The following SEPTIN8 variants were observed in gnomAD, a reference collection of about 807,000 sequenced individuals.
SEPTIN8 encodes the protein septin-8.
Under a neutral mutation model 53.1 loss-of-function variants are expected in SEPTIN8, and 22 were observed. That is an observed-to-expected ratio of 0.41 (90% CI 0.30 to 0.59). SEPTIN8 has a LOEUF of 0.59. SEPTIN8 is among the 20% of genes least tolerant of loss of function. The probability of loss-of-function intolerance (pLI) is 0.24; values close to 1 mark genes in which losing one functional copy is unlikely to be tolerated. For missense variants in SEPTIN8, 536 were observed against 638.7 expected, an observed-to-expected ratio of 0.84 and a Z score of 1.73; for synonymous variants, 228 against 248.4, an observed-to-expected ratio of 0.92 and a Z score of 0.77.
At chr5:132,764,074 T>G (rs563263550) in intron 3 of SEPTIN8, 150 bp downstream of exon 3, 1 of 946,852 alleles carries the variant, frequency 1.1e-6, no homozygotes, top group African/African-American at 1.7e-5. Context: ...CCTAAAGGAG[T>G]AACTGGTCTG....
At chr5:132,754,559 CTG>C (rs1755163416) in intron 9 of SEPTIN8, 3 of 717,108 alleles carry the variant, frequency 4.2e-6, no homozygotes, top group Admixed American at 2.0e-5. Flanking sequence ...AGTCCTAGGA[CTG>C]GGGTAAGAGA....
At chr5:132,777,990 T>C (rs1757941659), upstream of SEPTIN8, 2 of 985,306 alleles carry the variant, frequency 2.0e-6, no homozygotes, top group Non-Finnish European at 2.4e-6. The surrounding 1 kb of genome is among the most constrained non-coding windows in gnomAD (Gnocchi z 4.1). Context: ...GTCTTAATGG[T>C]TCCACCATTG....
Position 132,764,383 on chromosome 5 carries a change from G to A in SEPTIN8, c.188C>T (p.Thr63Ile), listed in dbSNP as rs755977070. 5 of 1,613,928 alleles carry A rather than the reference G, an allele frequency of 3.1e-6. No individual in the cohort carries two copies. The highest frequency in any genetic ancestry group is 4.2e-6 in the Non-Finnish European group (5 of 1,179,944). Residue 63 changes from threonine (T) to isoleucine (I), a missense_variant, in exon 3 of 10, where the codon ACA (threonine) becomes ATA (isoleucine). Around this residue, in one of 3 missense-constraint regions of SEPTIN8, gnomAD observed 395 missense variants for 451.8 expected, o/e 0.87. Coordinates refer to ENST00000378719, the MANE Select transcript of SEPTIN8 (RefSeq NM_001098811.2). ...TGIGKSTLMN[T>I]LFNTTFETEE... is the part of the protein sequence containing the mutation. ...AGTCTCGAAGGTCGTGTTGAAGAGT[G>A]TGTTCATCAGTGTGGATTTGCCAAT...
Position 132,761,245 on chromosome 5 carries a change from G to A in SEPTIN8, c.983C>T (p.Ala328Val), listed in dbSNP as rs1561748192. 1 of 1,613,926 alleles carries A rather than the reference G, an allele frequency of 6.2e-7. No individual in the cohort carries two copies. The highest frequency in any genetic ancestry group is 1.7e-5 in the Admixed American group (1 of 60,018). Residue 328 changes from alanine to valine, a missense_variant, in exon 8 of 10, where the codon GCC becomes GTC. By Grantham distance (64) the Ala-to-Val change is moderately conservative. Transcript: ENST00000378719. The surrounding 1 kb of genome is among the most constrained non-coding windows in gnomAD (Gnocchi z 5.8). ...QPFSLQETYEAKRKEFLSELQ... is the reference protein window; with the variant it reads ...QPFSLQETYEVKRKEFLSELQ... ...CTCACTTAGGAACTCCTTCCTCTTG[G>A]CCTCGTATGTCTCTTGTAGGCTGTG...
chr5:132,777,037 C>T lies in SEPTIN8; in HGVS notation c.30+71G>A, dbSNP rs563051492. 6.0e-6 allele frequency: 6 copies of T among 996,434 alleles called. No individual in the cohort carries two copies. The South Asian group carries it at 2.4e-4, about 40-fold the overall frequency. 61.7% of individuals were successfully genotyped at this position (996,434 alleles called of 1,614,324 possible). A position where few individuals can be genotyped will look rare whatever the true frequency, so the allele number is the denominator to read the frequency against. On this transcript the variant is annotated intron_variant, in intron 1 of 9. Coordinates refer to ENST00000378719, the MANE Select transcript of SEPTIN8 (RefSeq NM_001098811.2). The surrounding 1 kb of genome is among the most constrained non-coding windows in gnomAD (Gnocchi z 4.1). ...CGCTGACAGCCCGCTTCGCGCCCCC[C>T]GCCAGCTGCAGGGCGGCCCCTCCTG...
upstream of SEPTIN8, chr5:132,778,018 C>T: frequency 3.0e-6 from 3 of 985,522 alleles, no homozygotes; most frequent in Non-Finnish European, 1.2e-6. Flanking sequence ...AGGATGACCA[C>T]TCCCAGTGCG....
At chr5:132,755,569 G>C (rs1433616580) in intron 9 of SEPTIN8, among the ~76,000 whole-genome samples, 1 of 152,178 alleles carries the variant, frequency 6.6e-6, no homozygotes, top group Non-Finnish European at 1.5e-5. Flanking sequence ...GGGGATGAAT[G>C]GTCCCTAATC....
chr5:132,772,502 T>C (rs1291251029), intron 1 of SEPTIN8, among the ~76,000 whole-genome samples: 3 of 152,192 alleles, frequency 2.0e-5, no homozygotes, highest in Non-Finnish European at 4.4e-5. Flanking sequence ...GGGACTCCAG[T>C]GGCAGCCACC....
chr5:132,769,862 C>G (rs1430613168), intron 1 of SEPTIN8, among the ~76,000 whole-genome samples: 1 of 150,522 alleles, frequency 6.6e-6, no homozygotes, highest in East Asian at 1.9e-4. Flanking sequence ...AGAGCCTGTG[C>G]TTATGCTCAA....
At position 132,770,277 on chromosome 5, in the gene SEPTIN8, C is replaced by T. The variant is rs1479894096; in HGVS notation, c.31-4748G>A. ...CACTGTAACCTCCGCCTCCTAGGTA[C>T]AAGCAATTCTCATGCCTCAGACTCC... is the stretch of plus-strand genomic sequence containing the variant. On this transcript the variant is annotated intron_variant, in intron 1 of 9. Transcript: ENST00000378719. Among the ~76,000 whole-genome samples the T allele has an allele frequency of 8.6e-5, 13 of 150,876 alleles. No individual in the cohort carries two copies. In the East Asian group the frequency reaches 2.3e-3, roughly 27 times the overall value.
At chr5:132,777,909 C>T, upstream of SEPTIN8, 5 of 985,512 alleles carry the variant, frequency 5.1e-6, no homozygotes, top group Non-Finnish European at 6.0e-6. The surrounding 1 kb of genome is among the most constrained non-coding windows in gnomAD (Gnocchi z 4.1). Flanking sequence ...AATAGAAAAG[C>T]GGAGCTCGAC....
At position 132,762,635 on chromosome 5, in the gene SEPTIN8, A is replaced by G; in HGVS notation, c.545T>C (p.Ile182Thr). ...GGTGTCAGCCTTGGCGATGATGGGA[A>G]TAATGTTCACCTGCCAGGATCAGGG... ...MKKLDSKVNI[I>T]PIIAKADTIS... Residue 182 changes from isoleucine (I) to threonine (T), a missense_variant, in exon 5 of 10, where the codon ATT becomes ACT. Around this residue, in one of 3 missense-constraint regions of SEPTIN8, gnomAD observed 395 missense variants for 451.8 expected, o/e 0.87. Transcript: ENST00000378719. 6.2e-7 allele frequency: 1 copy of G among 1,614,188 alleles called. No homozygotes were observed. The highest frequency in any genetic ancestry group is 8.5e-7 in the Non-Finnish European group (1 of 1,180,024).
chr5:132,763,608 G>A, intron 4 of SEPTIN8, 98 bp downstream of exon 4: 3 of 1,175,636 alleles, frequency 2.6e-6, no homozygotes, highest in Non-Finnish European at 3.7e-6. Flanking sequence ...CCCCGACCAG[G>A]TCCCTGAGGA....
chr5:132,756,516 T>C (rs1755355905), intron 9 of SEPTIN8: 25 of 985,266 alleles, frequency 2.5e-5, no homozygotes, highest in Non-Finnish European at 3.0e-5. Context: ...TAAATGAGAC[T>C]CTGCAGACAG....
At chr5:132,752,360 C>T (rs1248437978) in intron 9 of SEPTIN8, among the ~76,000 whole-genome samples, 179 bp from the exon 10 acceptor site, 2 of 152,160 alleles carry the variant, frequency 1.3e-5, no homozygotes, top group African/African-American at 4.8e-5. Context: ...CACTTGGTCA[C>T]GCTCTATGCA....
At position 132,761,325 on chromosome 5, in the gene SEPTIN8, G is replaced by T; in HGVS notation, c.963-60C>A. On this transcript the variant is annotated intron_variant, in intron 7 of 9. Transcript: ENST00000378719. The surrounding 1 kb of genome is among the most constrained non-coding windows in gnomAD (Gnocchi z 5.8). ...GATTATGACGGAATGGGATAGGGCA[G>T]GGCAGAGCCAGAGAAGTAGAATCAT... 1 of 1,605,092 alleles carries T rather than the reference G, an allele frequency of 6.2e-7. No individual in the cohort carries two copies.
chr5:132,758,034 G>A, intron 9 of SEPTIN8: 2 of 992,192 alleles, frequency 2.0e-6, no homozygotes, highest in Non-Finnish European at 2.4e-6. Flanking sequence ...TAGCACCTCT[G>A]GGGCACAGAC....
In SEPTIN8 at chr5:132,777,204, G is replaced by A; in HGVS notation, c.-67C>T. 1 of 1,159,392 alleles carries A rather than the reference G, an allele frequency of 8.6e-7. No individual in the cohort carries two copies. The highest frequency in any genetic ancestry group is 1.1e-6 in the Non-Finnish European group (1 of 940,384). 71.8% of individuals were successfully genotyped at this position (1,159,392 alleles called of 1,614,324 possible). A position where few individuals can be genotyped will look rare whatever the true frequency, so the allele number is the denominator to read the frequency against. ...GGGCAGCGACAGGGACCAGCCGGCT[G>A]CGGGACGCGCTCCGCCCGGGCGGCT... On this transcript the variant is annotated 5_prime_UTR_variant, in exon 1 of 10. Transcript: ENST00000378719. This position sits in a 1 kb window ranked among gnomAD's most constrained non-coding sequence, Gnocchi z 4.1.
At chr5:132,771,426 C>A (rs1046363936) in intron 1 of SEPTIN8, among the ~76,000 whole-genome samples, 3 of 152,194 alleles carry the variant, frequency 2.0e-5, no homozygotes, top group Non-Finnish European at 4.4e-5. Context: ...AGCCCCCAGA[C>A]CTCAGGCCTT....
Sources: allele counts gnomAD v4.1 joint callset (sites outside exome capture counted in the v4.1 genomes callset), GRCh38; gene constraint gnomAD v4.1.1; regional missense constraint gnomAD v4.1.1; non-coding constraint Gnocchi (gnomAD v3.1); transcripts MANE v1.5; gene names NCBI Gene and HGNC (gene_info 2026-07-23, HGNC 2026-07-21).